The following SHPK variants were observed in gnomAD, a reference collection of about 807,000 sequenced individuals.
SHPK encodes carbohydrate kinase-like protein.
A neutral mutation model predicts 46.3 loss-of-function variants in SHPK; 51 were observed. The ratio of observed to expected loss-of-function variants is 1.10; its 90% CI spans 0.88 to 1.39. The LOEUF is 1.39. SHPK is among the 40% of genes most tolerant of loss of function. The pLI, the probability that SHPK is intolerant of heterozygous loss-of-function variation, is 0.00. For missense variants in SHPK, 668 were observed against 641.3 expected, an observed-to-expected ratio of 1.04 and a Z score of -0.45; for synonymous variants, 290 against 273.9, an observed-to-expected ratio of 1.06 and a Z score of -0.58.
intron 6 of SHPK, among the ~76,000 whole-genome samples, chr17:3,611,798 G>GTT (rs570066157): frequency 5.9e-4 from 54 of 92,128 alleles, no homozygotes; most frequent in South Asian, 7.3e-4. Context: ...AGCTCTGCGG[G>GTT]TTTTTTTTTT....
chr17:3,626,061 A>G (rs1415889896), intron 2 of SHPK, among the ~76,000 whole-genome samples: 1 of 152,112 alleles, frequency 6.6e-6, no homozygotes, highest in African/African-American at 2.4e-5. Flanking sequence ...TCAGAAAAAC[A>G]AAACAAACAA....
intron 5 of SHPK, chr17:3,619,895 G>A (rs944044310): frequency 4.0e-5 from 10 of 247,360 alleles, no homozygotes; most frequent in South Asian, 1.1e-4. Context: ...CCTGGGCTCC[G>A]GCCTCCCAGC....
At position 3,623,366 on chromosome 17, in the gene SHPK, G is replaced by A. The variant is rs141473852; in HGVS notation, c.620C>T (p.Thr207Met). 472 of 1,614,188 alleles carry A rather than the reference G, an allele frequency of 2.9e-4. 1 individual carries two copies. The highest frequency in any genetic ancestry group is 5.7e-4 in the South Asian group (52 of 91,082). Reference sequence around the variant, plus strand: ...CTCTACGTTCCAGCTTTGGCTCTGCGTGTTGAAATAGCCCCAGCTGGCAGC... The same window carrying A: ...CTCTACGTTCCAGCTTTGGCTCTGCATGTTGAAATAGCCCCAGCTGGCAGC... ...QNAASWGYFN[T>M]QSQSWNVETL... Residue 207 changes from threonine (T) to methionine (M), a missense_variant, in exon 4 of 7, where the codon ACG (threonine) becomes ATG (methionine). Transcript: ENST00000225519.
intron 6 of SHPK, among the ~76,000 whole-genome samples, chr17:3,614,387 T>G (rs965641143): frequency 6.6e-6 from 1 of 151,744 alleles, no homozygotes; most frequent in African/African-American, 2.4e-5. Flanking sequence ...TAGCTGGGTG[T>G]GGTGGCGGGT....
At chr17:3,627,133 T>A (rs1184005721) in intron 2 of SHPK, among the ~76,000 whole-genome samples, 2 of 152,172 alleles carry the variant, frequency 1.3e-5, no homozygotes, top group African/African-American at 4.8e-5. Flanking sequence ...TCCACAGAGC[T>A]GCTTGTTCTC....
chr17:3,615,236 T>G (rs182539973), intron 6 of SHPK, 101 bp downstream of exon 6: 7 of 1,157,784 alleles, frequency 6.0e-6, no homozygotes, highest in Middle Eastern at 4.0e-4. Flanking sequence ...GAGACCTCAA[T>G]GTGGACGCTG....
chr17:3,612,425 TAA>T (rs375264317), intron 6 of SHPK, among the ~76,000 whole-genome samples: 122 of 125,062 alleles, frequency 9.8e-4, no homozygotes, highest in East Asian at 2.8e-3. Flanking sequence ...GACTCAGTCT[TAA>T]AAAAAAAAAA....
At chr17:3,627,553 G>A (rs1274183854) in intron 2 of SHPK, among the ~76,000 whole-genome samples, 1 of 152,024 alleles carries the variant, frequency 6.6e-6, no homozygotes, top group Non-Finnish European at 1.5e-5. Context: ...GACAAGACTG[G>A]ATCCCAAATG....
Position 3,624,156 on chromosome 17 carries a change from T to A in SHPK, c.386A>T (p.Asp129Val). 1 of 1,614,140 alleles carries A rather than the reference T, an allele frequency of 6.2e-7. No homozygotes were observed. The highest frequency in any genetic ancestry group is 8.5e-7 in the Non-Finnish European group (1 of 1,179,982). Residue 129 changes from aspartate to valine, a missense_variant, in exon 3 of 7, where the codon GAT becomes GTT. Transcript: ENST00000225519. The stretch of plus-strand genomic sequence containing the variant: ...CAGGAATTCGCTGCTACATCGGCCA[T>A]CCTGCCACGTGACCAGGTGGCTAAC... ...RAVSHLVTWQ[D>V]GRCSSEFLAS...
intron 1 of SHPK, among the ~76,000 whole-genome samples, chr17:3,632,259 G>T (rs1347066913): frequency 6.6e-6 from 1 of 152,142 alleles, no homozygotes; most frequent in Non-Finnish European, 1.5e-5. Context: ...CTGGCCTGCA[G>T]GTCATATTTC....
At chr17:3,622,713 T>C (rs930802460) in intron 4 of SHPK, 4 of 452,284 alleles carry the variant, frequency 8.8e-6, no homozygotes, top group African/African-American at 2.2e-5. Context: ...TTTCTTTTTT[T>C]TTTTTTTTGA....
rs369869079 is a variant in SHPK at position 3,636,089 on chromosome 17, G to A, written c.131C>T (p.Ala44Val). 6.3e-6 allele frequency: 10 copies of A among 1,599,452 alleles called. No homozygotes were observed. The highest frequency in any genetic ancestry group is 8.5e-6 in the Non-Finnish European group (10 of 1,174,020). The change falls in exon 1 of 7, where the codon GCA (alanine) becomes GTA (valine). Residue 44 changes from alanine (A) to valine (V), a missense_variant. Physicochemically the swap from Ala to Val is moderately conservative, Grantham distance 64. Transcript: ENST00000225519. Reference protein sequence around the residue: ...VLASCARAARAEAAVESAVAG... With the variant: ...VLASCARAARVEAAVESAVAG... ...CACCGCGCTCTCGACCGCCGCCTCT[G>A]CCCGCGCAGCACGGGCACAGCTCGC... is the stretch of plus-strand genomic sequence containing the variant.
intron 2 of SHPK, 113 bp from the exon 3 acceptor site, chr17:3,624,344 T>TA: frequency 3.0e-6 from 3 of 1,003,884 alleles, no homozygotes; most frequent in Non-Finnish European, 4.4e-6. Context: ...CGTCCCATGA[T>TA]AAAGCCTGGC....
intron 2 of SHPK, among the ~76,000 whole-genome samples, chr17:3,628,326 C>CTTT (rs145231493): frequency 6.9e-6 from 1 of 144,804 alleles, no homozygotes; most frequent in Non-Finnish European, 1.5e-5. Context: ...TTCATAATTT[C>CTTT]TTTTTTTTTT....
At chr17:3,628,683 C>T (rs913749489) in intron 2 of SHPK, among the ~76,000 whole-genome samples, 2 of 152,210 alleles carry the variant, frequency 1.3e-5, no homozygotes, top group African/African-American at 2.4e-5. Context: ...GGGTCTTGCT[C>T]TGTAGCCCAT....
intron 1 of SHPK, among the ~76,000 whole-genome samples, chr17:3,635,193 T>TGAAGAAAGGAAGGAAG (rs2075504186): frequency 1.7e-5 from 1 of 60,532 alleles, no homozygotes; most frequent in East Asian, 4.4e-4. Context: ...AAGGAAAGAA[T>TGAAGAAAGGAAGGAAG]GAAGGAAGGA....
chr17:3,610,567 T>C lies in SHPK; in HGVS notation c.1430A>G (p.Glu477Gly). ...GGCGAAAGAGTTTGCTGTCTAAGAT[T>C]CCTTCTGGTTGAGGTGTCTCCGGAG... The part of the protein sequence containing the change: ...VMLRRHLNQK[E>G]S Residue 477 changes from glutamate (E) to glycine (G), a missense_variant, in exon 7 of 7, where the codon GAA (glutamate) becomes GGA (glycine). Physicochemically the swap from Glu to Gly is moderately conservative, Grantham distance 98. Coordinates refer to ENST00000225519, the MANE Select transcript of SHPK (RefSeq NM_013276.4). 1 of 1,596,500 alleles carries C rather than the reference T, an allele frequency of 6.3e-7. No homozygotes were observed. The highest frequency in any genetic ancestry group is 8.6e-7 in the Non-Finnish European group (1 of 1,166,676).
intron 5 of SHPK, chr17:3,619,688 A>C: frequency 3.1e-6 from 1 of 325,494 alleles, no homozygotes; most frequent in South Asian, 2.7e-5. Context: ...AGCCGAGATC[A>C]CACCACTGCA....
chr17:3,628,449 A>G (rs2075451398), intron 2 of SHPK, among the ~76,000 whole-genome samples: 2 of 151,828 alleles, frequency 1.3e-5, no homozygotes, highest in East Asian at 1.9e-4. Flanking sequence ...TAGCCTCCCA[A>G]GTAGCTGGGA....
Sources: gnomAD v4.1 joint callset for allele counts (sites outside exome capture counted in the v4.1 genomes callset) on GRCh38, gnomAD v4.1.1 for gene constraint, MANE v1.5 for transcripts, NCBI Gene and HGNC (gene_info 2026-07-23, HGNC 2026-07-21) for gene names.